Variants in GPC5 observed in about 807,000 individuals in gnomAD.
GPC5 encodes glypican 5.
In GPC5, 47 loss-of-function variants were observed where a neutral mutation model predicts 53.9. The observed-to-expected ratio is 0.87, with a 90% CI of 0.69 to 1.11. The LOEUF is 1.11. Ranked by LOEUF, GPC5 falls within the 50% of genes most tolerant of loss-of-function variation. The pLI is 0.00. For missense variants in GPC5, 748 were observed against 713.1 expected (o/e 1.05, Z -0.56); for synonymous variants, 286 against 263.3 (o/e 1.09, Z -0.84).
At chr13:91,830,784 T>C (rs1322764922) in intron 5 of GPC5, among the ~76,000 whole-genome samples, 1 of 114,970 alleles carries the variant, frequency 8.7e-6, no homozygotes, top group Non-Finnish European at 1.9e-5. Context: ...ATAAAATATA[T>C]ATATACTATT....
intron 5 of GPC5, among the ~76,000 whole-genome samples, chr13:91,876,792 A>G (rs2138941636): frequency 6.6e-6 from 1 of 152,314 alleles, no homozygotes; most frequent in East Asian, 1.9e-4. Flanking sequence ...CCCCAAGACC[A>G]TGGGGAATAT....
At chr13:92,288,295 A>T (rs1297790342) in intron 7 of GPC5, among the ~76,000 whole-genome samples, 3 of 152,048 alleles carry the variant, frequency 2.0e-5, no homozygotes, top group Non-Finnish European at 4.4e-5. Flanking sequence ...TATTTTTGTG[A>T]ATGAATGTTT....
chr13:92,316,736 A>G (rs1341440625), intron 7 of GPC5, among the ~76,000 whole-genome samples: 1 of 152,160 alleles, frequency 6.6e-6, no homozygotes, highest in Non-Finnish European at 1.5e-5. Context: ...GAAAAATTAT[A>G]TATGCATCTG....
At chr13:92,597,945 C>T (rs1883932104) in intron 7 of GPC5, among the ~76,000 whole-genome samples, 1 of 152,178 alleles carries the variant, frequency 6.6e-6, no homozygotes, top group African/African-American at 2.4e-5. Context: ...CCCTTGAGAG[C>T]TTCCATCTGA....
intron 7 of GPC5, among the ~76,000 whole-genome samples, chr13:92,311,283 C>A (rs2043143363): frequency 6.6e-6 from 1 of 152,096 alleles, no homozygotes. Flanking sequence ...ACTCTCCTGG[C>A]CACTGAGAAA....
intron 2 of GPC5, among the ~76,000 whole-genome samples, chr13:91,490,265 TC>T (rs1378232961): frequency 1.8e-4 from 28 of 152,092 alleles, no homozygotes; most frequent in Admixed American, 1.8e-3. Flanking sequence ...GCAGGATGAG[TC>T]AGTAGGTACT....
At chr13:91,823,853 T>C (rs2038533919) in intron 5 of GPC5, among the ~76,000 whole-genome samples, 2 of 152,122 alleles carry the variant, frequency 1.3e-5, no homozygotes, top group Admixed American at 6.6e-5. Context: ...TCAATATGTC[T>C]ATAACTAATG....
rs556807983 is a variant in GPC5, at chr13:92,359,218, A to G, written c.1561+214229A>G. Among the ~76,000 whole-genome samples, 3 of 151,754 alleles carry G rather than the reference A, an allele frequency of 2.0e-5. No individual in the cohort carries two copies. In the South Asian group the frequency reaches 6.2e-4, roughly 31 times the overall value. ...CACTTTGTAGTTCAAAATTCCACAG[A>G]TCTCTAGAGCAGGGACATAATGCCA... is the stretch of plus-strand genomic sequence containing the variant. On this transcript the variant is annotated intron_variant, in intron 7 of 7. Transcript: ENST00000377067.
intron 7 of GPC5, among the ~76,000 whole-genome samples, chr13:92,641,630 T>G (rs747665942): frequency 2.6e-5 from 4 of 152,178 alleles, no homozygotes; most frequent in Admixed American, 2.6e-4. Context: ...TCCCAATTGG[T>G]TTGAGGGGAA....
intron 7 of GPC5, among the ~76,000 whole-genome samples, chr13:92,651,014 T>C (rs1885940721): frequency 6.6e-6 from 1 of 152,036 alleles, no homozygotes; most frequent in African/African-American, 2.4e-5. Context: ...TGGTTTTCTG[T>C]TCCTGTGTTA....
intron 2 of GPC5, among the ~76,000 whole-genome samples, chr13:91,650,454 C>G (rs1332853333): frequency 2.0e-5 from 3 of 150,366 alleles, no homozygotes; most frequent in Non-Finnish European, 4.4e-5. Flanking sequence ...TTTATCTTTA[C>G]TGTATACCAA....
intron 2 of GPC5, among the ~76,000 whole-genome samples, chr13:91,571,772 TATACACACACATATAC>T (rs2031802367): frequency 7.4e-6 from 1 of 135,370 alleles, no homozygotes. Context: ...TGTATGTGTA[TATACACACACATATAC>T]GTGTGTGTAT....
intron 3 of GPC5, among the ~76,000 whole-genome samples, chr13:91,694,862 G>A (rs1039709259): frequency 1.3e-5 from 2 of 152,192 alleles, no homozygotes; most frequent in African/African-American, 2.4e-5. Context: ...ACAGGCCTCA[G>A]CTTCCCAAAG....
In GPC5 at chr13:92,278,607, A is replaced by G. The variant is rs573762453; in HGVS notation, c.1561+133618A>G. Among the ~76,000 whole-genome samples the G allele has an allele frequency of 7.9e-5, 12 of 152,142 alleles. No individual in the cohort carries two copies. In the East Asian group the frequency reaches 2.3e-3, roughly 29 times the overall value. On this transcript the variant is annotated intron_variant, in intron 7 of 7. Coordinates refer to ENST00000377067, the MANE Select transcript of GPC5 (RefSeq NM_004466.6). ...TTCATGCTTTTGGTGTCAAGAATCCATTGCCTGATCATGAAGATTTACCCT... is the reference window on the plus strand; with the variant it reads ...TTCATGCTTTTGGTGTCAAGAATCCGTTGCCTGATCATGAAGATTTACCCT...
chr13:91,528,765 G>T (rs185276952), intron 2 of GPC5, among the ~76,000 whole-genome samples: 86 of 152,282 alleles, frequency 5.6e-4, no homozygotes, highest in Non-Finnish European at 5.9e-5. Context: ...ACATGGCTTG[G>T]GAGGCCTCAG....
chr13:92,490,080 G>A (rs1381256409), intron 7 of GPC5: 4 of 153,906 alleles, frequency 2.6e-5, no homozygotes, highest in Non-Finnish European at 5.9e-5. Context: ...TCTATAATGT[G>A]CAGTTAAACT....
At chr13:91,741,634 A>T (rs2036936176) in intron 4 of GPC5, among the ~76,000 whole-genome samples, 1 of 152,216 alleles carries the variant, frequency 6.6e-6, no homozygotes, top group Admixed American at 6.5e-5. Context: ...TAATAAAAAA[A>T]CATAGAGCTT....
chr13:91,447,548 G>C (rs1325977979), intron 1 of GPC5, among the ~76,000 whole-genome samples: 2 of 152,082 alleles, frequency 1.3e-5, no homozygotes, highest in Non-Finnish European at 2.9e-5. Flanking sequence ...GGTGTCCCAT[G>C]TTGATAGGAA....
chr13:92,416,230 G>A (rs1594183328), intron 7 of GPC5, among the ~76,000 whole-genome samples: 1 of 152,276 alleles, frequency 6.6e-6, no homozygotes, highest in East Asian at 1.9e-4. Context: ...TATTTATGAT[G>A]ACTCTTTCTC....
Sources: gnomAD v4.1 joint callset for allele counts (sites outside exome capture counted in the v4.1 genomes callset) on GRCh38, gnomAD v4.1.1 for gene constraint, MANE v1.5 for transcripts, NCBI Gene and HGNC (gene_info 2026-07-23, HGNC 2026-07-21) for gene names.